Variants in ARHGEF1 observed in about 807,000 individuals in gnomAD.
The protein encoded by ARHGEF1 is 115 kDa guanine nucleotide exchange factor.
Under a neutral mutation model 119.7 loss-of-function variants are expected in ARHGEF1, and 40 were observed. That is an observed-to-expected ratio of 0.33 (90% CI 0.26 to 0.44). The LOEUF is 0.44. Among genes scored for constraint, ARHGEF1 ranks in the 20% least tolerant of loss-of-function variants. ARHGEF1 has a pLI of 1.00. For missense variants in ARHGEF1, 976 were observed against 1,268.3 expected (o/e 0.77, Z 3.50); for synonymous variants, 494 against 521.0 (o/e 0.95, Z 0.71).
chr19:41,920,224 ACTCAGACGTGACGTG>A (rs2074833131), upstream of ARHGEF1, among the ~76,000 whole-genome samples: 1 of 125,698 alleles, frequency 8.0e-6, no homozygotes. Flanking sequence ...CAGACGTGAC[ACTCAGACGTGACGTG>A]CTCAGACGTG....
rs1568831605 is a variant in ARHGEF1, at chr19:41,914,578, TC to T, written c.1865+7776del. ...CCCTTCCACCATCTCTGTCTCCGTC[TC>T]TCCCTCCCTTTCCACCATCTCTGTC... On this transcript the variant is annotated intron_variant, in intron 18 of 20. Transcript: ENST00000599589. Among the ~76,000 whole-genome samples the T allele has an allele frequency of 3.7e-4, 35 of 93,566 alleles. 9 individuals carry two copies. The highest frequency in any genetic ancestry group is 1.3e-3 in the African/African-American group (31 of 23,036). 61.4% of individuals were successfully genotyped at this position (93,566 alleles called of 152,430 possible).
intron 18 of ARHGEF1, among the ~76,000 whole-genome samples, chr19:41,914,019 C>G (rs2074770832): frequency 6.6e-6 from 1 of 151,362 alleles, no homozygotes. Flanking sequence ...CATGCGCCCC[C>G]CAGCCAGAAA....
At position 41,917,657 on chromosome 19, in the gene ARHGEF1, C is replaced by T. The variant is rs2074810192; in HGVS notation, c.1866-5435C>T. On this transcript the variant is annotated intron_variant, in intron 18 of 20. Transcript: ENST00000599589. This position sits in a 1 kb window ranked among gnomAD's most constrained non-coding sequence, Gnocchi z 4.8. ...ATGCCCCAAAGCACACGCACGCACG[C>T]ACACACACACCCTGACTGCACCCAC... Among the ~76,000 whole-genome samples, 1 of 151,772 alleles carries T rather than the reference C, an allele frequency of 6.6e-6. No individual in the cohort carries two copies. Among genetic ancestry groups the T allele is most frequent in the Non-Finnish European group, 1.5e-5 (1 of 67,944 alleles).
At chr19:41,923,190 G>T (rs1555852802) in exon 1 of ARHGEF1, 1 of 456,452 alleles carries the variant, frequency 2.2e-6, no homozygotes, top group South Asian at 1.5e-5. Context: ...AAGTAACTTG[G>T]CCAAAGTCCC....
At position 41,888,335 on chromosome 19, in the gene ARHGEF1, T is replaced by C; in HGVS notation, c.111+57T>C. 1 of 1,548,922 alleles carries C rather than the reference T, an allele frequency of 6.5e-7. No homozygotes were observed. ...CCCAGGCTCAGTGTCCCGCCCCAGGTCCCCTCCCACCTGCAGATGCTGTCT... is the reference window on the plus strand; with the variant it reads ...CCCAGGCTCAGTGTCCCGCCCCAGGCCCCCTCCCACCTGCAGATGCTGTCT... On this transcript the variant is annotated intron_variant, in intron 3 of 28. Coordinates refer to ENST00000354532, the MANE Select transcript of ARHGEF1 (RefSeq NM_004706.4). This position sits in a 1 kb window ranked among gnomAD's most constrained non-coding sequence, Gnocchi z 5.1.
chr19:41,902,819 G>C lies in ARHGEF1; in HGVS notation c.1659G>C (p.Gln553His). 6.2e-7 allele frequency: 1 copy of C among 1,613,288 alleles called. No homozygotes were observed. The highest frequency in any genetic ancestry group is 8.5e-7 in the Non-Finnish European group (1 of 1,180,016). The change falls in exon 18 of 29, where the codon CAG (glutamine) becomes CAC (histidine). Residue 553 changes from glutamine (Q) to histidine (H), a missense_variant. Physicochemically the swap from Gln to His is conservative, Grantham distance 24 (BLOSUM62 0). Transcript: ENST00000354532. The surrounding 1 kb of genome is among the most constrained non-coding windows in gnomAD (Gnocchi z 6.5). ...GCCGCCCGCGGTGCCGCCGCCTGCA[G>C]CTGAAGGACATGATCCCCACGGAGA... ...AESRPRCRRL[Q>H]LKDMIPTEMQ...
chr19:41,905,762 C>T lies in ARHGEF1; in HGVS notation c.2339C>T (p.Thr780Ile). 2 of 1,614,082 alleles carry T rather than the reference C, an allele frequency of 1.2e-6. No homozygotes were observed. The highest frequency in any genetic ancestry group is 1.7e-6 in the Non-Finnish European group (2 of 1,180,002). The change falls in exon 25 of 29, where the codon ACC (threonine) becomes ATC (isoleucine). Residue 780 changes from threonine (T) to isoleucine (I), a missense_variant and splice_region_variant. By Grantham distance (89) the Thr-to-Ile change is moderately conservative (BLOSUM62 -1). Around this residue, in one of 3 missense-constraint regions of ARHGEF1, gnomAD observed 171 missense variants for 180.6 expected, o/e 0.95. Transcript: ENST00000354532. This position sits in a 1 kb window ranked among gnomAD's most constrained non-coding sequence, Gnocchi z 6.4. ...RPKPRPSPSSTREPLLSSSEN... is the reference protein window; with the variant it reads ...RPKPRPSPSSIREPLLSSSEN... ...CACCCAGCACTTCCTCCCCTCAGCA[C>T]CCGAGAACCCCTCCTCAGCAGCTCT...
intron 2 of ARHGEF1, among the ~76,000 whole-genome samples, chr19:41,929,407 G>A (rs1599684541): frequency 6.6e-6 from 1 of 152,110 alleles, no homozygotes; most frequent in Admixed American, 6.6e-5. Flanking sequence ...ACAGGAAAGG[G>A]CCCTGCCCAG....
rs1311949263 is a variant in ARHGEF1, at chr19:41,889,114, G to A, written c.225+249G>A. On this transcript the variant is annotated intron_variant, in intron 4 of 28. Coordinates refer to ENST00000354532, the MANE Select transcript of ARHGEF1 (RefSeq NM_004706.4). The surrounding 1 kb of genome is among the most constrained non-coding windows in gnomAD (Gnocchi z 4.0). Reference sequence around the variant, plus strand: ...GGCAGGGTACACACGTCAGGACCCCGCGGAGCCACAGAGAGTCCAGCAGCC... The same window carrying A: ...GGCAGGGTACACACGTCAGGACCCCACGGAGCCACAGAGAGTCCAGCAGCC... 8 of 421,054 alleles carry A rather than the reference G, an allele frequency of 1.9e-5. No homozygotes were observed. The highest frequency in any genetic ancestry group is 5.9e-5 in the African/African-American group (3 of 50,506). The allele number at this position is 421,054 out of a possible 1,614,324, so 26.1% of individuals were successfully genotyped here.
downstream of ARHGEF1, chr19:41,908,201 C>T (rs999059889): frequency 3.0e-5 from 37 of 1,231,334 alleles, no homozygotes; most frequent in Non-Finnish European, 3.5e-5. This position sits in a 1 kb window ranked among gnomAD's most constrained non-coding sequence, Gnocchi z 6.7. Context: ...GTCCCTGCCT[C>T]AGCAGAATCC....
downstream of ARHGEF1, chr19:41,909,726 A>T: frequency 9.7e-7 from 1 of 1,030,876 alleles, no homozygotes. The surrounding 1 kb of genome is among the most constrained non-coding windows in gnomAD (Gnocchi z 5.2). Flanking sequence ...ACTCACAAGT[A>T]GCGATGGTGG....
rs1276540575 is a variant in ARHGEF1, at chr19:41,898,461, G to T, written c.1141G>T (p.Gly381Trp). The change falls in exon 14 of 29, where the codon GGG becomes TGG. Residue 381 changes from glycine to tryptophan, a missense_variant. Gly to Trp is a radical substitution (Grantham distance 184). Coordinates refer to ENST00000354532, the MANE Select transcript of ARHGEF1 (RefSeq NM_004706.4). ...ETESPEPGDE[G>W]EPGRSGLELE... Reference sequence around the variant, plus strand: ...CCACAGCCCCGAGCCTGGAGATGAGGGGGAGCCGGGGCGGTCGGGACTGGA... The same window carrying T: ...CCACAGCCCCGAGCCTGGAGATGAGTGGGAGCCGGGGCGGTCGGGACTGGA... The T allele has an allele frequency of 3.9e-6, 6 of 1,547,308 alleles. No homozygotes were observed. The highest frequency in any genetic ancestry group is 4.0e-5 in the Admixed American group (2 of 50,244).
downstream of ARHGEF1, chr19:41,907,616 G>A (rs1399843041): frequency 1.1e-5 from 6 of 555,016 alleles, no homozygotes; most frequent in East Asian, 3.3e-5. Context: ...CAGGCACTCC[G>A]TACACACACT....
intron 1 of ARHGEF1, among the ~76,000 whole-genome samples, chr19:41,884,126 G>A (rs541771582): frequency 1.6e-3 from 246 of 152,248 alleles, no homozygotes; most frequent in Non-Finnish European, 3.1e-3. Context: ...GGGTGACTAG[G>A]AGATCTCCGA....
In ARHGEF1 at chr19:41,894,614, C is replaced by G; in HGVS notation, c.842-12C>G. 1 of 1,614,074 alleles carries G rather than the reference C, an allele frequency of 6.2e-7. No individual in the cohort carries two copies. ...CTGCTCCCACTCACTGTCTCATTCTCTCTCGTTTCAGTTCCAGATTTTCGA... is the reference window on the plus strand; with the variant it reads ...CTGCTCCCACTCACTGTCTCATTCTGTCTCGTTTCAGTTCCAGATTTTCGA... On this transcript the variant is annotated splice_polypyrimidine_tract_variant and intron_variant, in intron 10 of 28. Transcript: ENST00000354532.
In ARHGEF1 at chr19:41,905,542, T is replaced by TGC. The variant is rs1366624761; in HGVS notation, c.2337-215_2337-214dup. On this transcript the variant is annotated intron_variant, in intron 24 of 28. Coordinates refer to ENST00000354532, the MANE Select transcript of ARHGEF1 (RefSeq NM_004706.4). The surrounding 1 kb of genome is among the most constrained non-coding windows in gnomAD (Gnocchi z 6.4). ...GCATGTGCATGCATGTGTGTGTGTG[T>TGC]GCGCATGTGCCGACCCCACCACTGC... The TGC allele has an allele frequency of 1.1e-5, 7 of 616,218 alleles. No homozygotes were observed. The highest frequency in any genetic ancestry group is 9.2e-5 in the African/African-American group (5 of 54,132). The allele number at this position is 616,218 out of a possible 1,614,324, so 38.2% of individuals were successfully genotyped here.
chr19:41,908,710 C>T, downstream of ARHGEF1: 1 of 1,161,680 alleles, frequency 8.6e-7, no homozygotes, highest in East Asian at 3.2e-5. This position sits in a 1 kb window ranked among gnomAD's most constrained non-coding sequence, Gnocchi z 6.7. Flanking sequence ...GGCTGGGGCA[C>T]CTGCCTGCCT....
chr19:41,901,147 G>GTTTGT (rs1487207018), intron 14 of ARHGEF1, among the ~76,000 whole-genome samples: 3 of 150,078 alleles, frequency 2.0e-5, no homozygotes, highest in Non-Finnish European at 4.4e-5. Flanking sequence ...TTTTTTATTT[G>GTTTGT]TTTGTTTTGT....
At position 41,888,618 on chromosome 19, in the gene ARHGEF1, A is replaced by ACACTGTCATCCCCACTCCC; in HGVS notation, c.112-126_112-125insTCCCCACTCCCCACTGTCA. On this transcript the variant is annotated intron_variant, in intron 3 of 28. Transcript: ENST00000354532. This position sits in a 1 kb window ranked among gnomAD's most constrained non-coding sequence, Gnocchi z 5.1. ...CCTTGCTGTCACCATCATTTTTTGG[A>ACACTGTCATCCCCACTCCC]CACTGTCACCACTCCCCACTTCCCA... 1 of 749,226 alleles carries ACACTGTCATCCCCACTCCC rather than the reference A, an allele frequency of 1.3e-6. No homozygotes were observed. Among genetic ancestry groups the ACACTGTCATCCCCACTCCC allele is most frequent in the Non-Finnish European group, 2.2e-6 (1 of 449,510 alleles). 46.4% of individuals were successfully genotyped at this position (749,226 alleles called of 1,614,324 possible).
Sources: gnomAD v4.1 joint callset for allele counts (sites outside exome capture counted in the v4.1 genomes callset) on GRCh38, gnomAD v4.1.1 for gene constraint, gnomAD v4.1.1 regional missense constraint, Gnocchi (gnomAD v3.1) non-coding constraint, MANE v1.5 for transcripts, NCBI Gene and HGNC (gene_info 2026-07-23, HGNC 2026-07-21) for gene names.